Variants in PSD observed in about 807,000 individuals in gnomAD.
The protein encoded by PSD is PH and SEC7 domain-containing protein 1.
In PSD, 32 loss-of-function variants were observed where a neutral mutation model predicts 91.6. The ratio of observed to expected loss-of-function variants is 0.35; its 90% confidence interval spans 0.26 to 0.47. The LOEUF is 0.47. Among genes scored for constraint, PSD ranks in the 20% least tolerant of loss-of-function variants. The probability of loss-of-function intolerance (pLI) is 1.00; values close to 1 mark genes in which losing one functional copy is unlikely to be tolerated. For missense variants in PSD, 1,099 were observed against 1,373.9 expected (o/e 0.80, Z 3.16); for synonymous variants, 532 against 569.3 (o/e 0.93, Z 0.93).
chr10:102,419,118 A>G (rs1246747988), upstream of PSD: 5 of 263,156 alleles, frequency 1.9e-5, no homozygotes, highest in Non-Finnish European at 3.1e-5. This position sits in a 1 kb window ranked among gnomAD's most constrained non-coding sequence, Gnocchi z 4.8. Flanking sequence ...GCGTGTCCCT[A>G]GGAGGCTGCC....
Position 102,404,235 on chromosome 10 carries a change from C to T in PSD, c.2701-250G>A, listed in dbSNP as rs1036733146. Among the ~76,000 whole-genome samples the T allele has an allele frequency of 2.0e-4, 31 of 151,910 alleles. No homozygotes were observed. Among genetic ancestry groups the T allele is most frequent in the African/African-American group, 7.5e-4 (31 of 41,396 alleles). On this transcript the variant is annotated intron_variant, in intron 15 of 16. Coordinates refer to ENST00000020673, the MANE Select transcript of PSD (RefSeq NM_002779.5). The surrounding 1 kb of genome is among the most constrained non-coding windows in gnomAD (Gnocchi z 5.7). Reference sequence around the variant, plus strand: ...TGGTGGCAGGTGCCTGTAGTCCCAGCTACTCAGGAGGCTGGGGCAGGAGAA... The same window carrying T: ...TGGTGGCAGGTGCCTGTAGTCCCAGTTACTCAGGAGGCTGGGGCAGGAGAA...
rs1249716221 is a variant in PSD, at chr10:102,414,344, G to A, written c.1125-147C>T. 4.9e-6 allele frequency: 4 copies of A among 818,636 alleles called. No homozygotes were observed. Among genetic ancestry groups the A allele is most frequent in the Non-Finnish European group, 7.5e-6 (4 of 534,686 alleles). 50.7% of individuals were successfully genotyped at this position (818,636 alleles called of 1,614,324 possible). ...CCACTAACAAAAAAGAGCCTCTAGG[G>A]TAGGGCGCCAAGCTATTCAGTGCCC... On this transcript the variant is annotated intron_variant, in intron 4 of 16. Transcript: ENST00000020673. This position sits in a 1 kb window ranked among gnomAD's most constrained non-coding sequence, Gnocchi z 5.6.
At chr10:102,413,455 G>A (rs1023306936) in intron 5 of PSD, among the ~76,000 whole-genome samples, 17 of 152,152 alleles carry the variant, frequency 1.1e-4, no homozygotes, top group African/African-American at 3.9e-4. Context: ...ATTCTGAGCA[G>A]GCTAAAGACT....
Position 102,415,048 on chromosome 10 carries a change from C to G in PSD, c.939G>C (p.Ser313=). 1 of 1,613,928 alleles carries G rather than the reference C, an allele frequency of 6.2e-7. No homozygotes were observed. Among genetic ancestry groups the G allele is most frequent in the South Asian group, 1.1e-5 (1 of 91,074 alleles). ...EVLAEREEAD[S]AIESQPSSEG... ...CAGAGCTGGGCTGACTTTCGATGGC[C>G]GAGTCGGCCTCCTCCCGCTCAGCCA... is the stretch of plus-strand genomic sequence containing the variant. Residue 313 remains serine, a synonymous_variant, in exon 4 of 17, where the codon TCG becomes TCC. Coordinates refer to ENST00000020673, the MANE Select transcript of PSD (RefSeq NM_002779.5).
intron 5 of PSD, among the ~76,000 whole-genome samples, chr10:102,413,164 A>G (rs2061441058): frequency 6.6e-6 from 1 of 151,774 alleles, no homozygotes; most frequent in Non-Finnish European, 1.5e-5. Flanking sequence ...CAGCTGCTCT[A>G]CTCGCAAAGC....
chr10:102,413,110 G>A (rs755944122), intron 5 of PSD, among the ~76,000 whole-genome samples: 2 of 152,202 alleles, frequency 1.3e-5, no homozygotes, highest in South Asian at 2.1e-4. Context: ...GTTAAGGGTC[G>A]GGGTGCATAC....
chr10:102,405,577 C>A lies in PSD; in HGVS notation c.2136-41G>T. On this transcript the variant is annotated intron_variant, in intron 11 of 16. Transcript: ENST00000020673. This position sits in a 1 kb window ranked among gnomAD's most constrained non-coding sequence, Gnocchi z 5.4. The stretch of plus-strand genomic sequence containing the variant: ...CCTCAGAGGGGGCTGGCCATGGAGC[C>A]GCGGCCCCCGCTTCAGTTCTGGCCT... 1 of 1,562,204 alleles carries A rather than the reference C, an allele frequency of 6.4e-7. No homozygotes were observed. The highest frequency in any genetic ancestry group is 8.7e-7 in the Non-Finnish European group (1 of 1,147,132).
chr10:102,404,109 G>A lies in PSD; in HGVS notation c.2701-124C>T. Reference sequence around the variant, plus strand: ...CACGCCTGTAATCCCAGCACTTTGGGAGGCCAAGGCGGGCGGATCACGAGG... The same window carrying A: ...CACGCCTGTAATCCCAGCACTTTGGAAGGCCAAGGCGGGCGGATCACGAGG... On this transcript the variant is annotated intron_variant, in intron 15 of 16. Transcript: ENST00000020673. The surrounding 1 kb of genome is among the most constrained non-coding windows in gnomAD (Gnocchi z 5.7). 1.6e-6 allele frequency: 2 copies of A among 1,230,390 alleles called. No individual in the cohort carries two copies. The highest frequency in any genetic ancestry group is 1.1e-6 in the Non-Finnish European group (1 of 921,342). The allele number at this position is 1,230,390 out of a possible 1,614,324, so 76.2% of individuals were successfully genotyped here.
At position 102,410,660 on chromosome 10, in the gene PSD, G is replaced by A. The variant is rs985701194; in HGVS notation, c.2091+198C>T. Among the ~76,000 whole-genome samples, 3 of 152,218 alleles carry A rather than the reference G, an allele frequency of 2.0e-5. No individual in the cohort carries two copies. The highest frequency in any genetic ancestry group is 7.2e-5 in the African/African-American group (3 of 41,460). ...CGCAGTCGCGACCGCACGCATGTGC[G>A]CATGTTCCGGGAGAGCCTGCGCGTG... On this transcript the variant is annotated intron_variant, in intron 10 of 16. Coordinates refer to ENST00000020673, the MANE Select transcript of PSD (RefSeq NM_002779.5). The surrounding 1 kb of genome is among the most constrained non-coding windows in gnomAD (Gnocchi z 6.0).
chr10:102,416,908 C>A lies in PSD; in HGVS notation c.131G>T (p.Gly44Val), dbSNP rs1477046012. ...SPPASMYGST[G>V]SLLRRVAGPG... ...ACCTGCCACTCGCCGTAGCAAGGAG[C>A]CTGTGCTGCCATACATGCTGGCTGG... is the stretch of plus-strand genomic sequence containing the variant. The change falls in exon 2 of 17, where the codon GGC becomes GTC. Residue 44 changes from glycine (G) to valine (V), a missense_variant. This residue lies in a region of PSD where 631 missense variants were observed against 728.8 expected (regional missense o/e 0.87). Coordinates refer to ENST00000020673, the MANE Select transcript of PSD (RefSeq NM_002779.5). The surrounding 1 kb of genome is among the most constrained non-coding windows in gnomAD (Gnocchi z 6.0). The A allele has an allele frequency of 3.1e-6, 5 of 1,607,530 alleles. No individual in the cohort carries two copies. Among genetic ancestry groups the A allele is most frequent in the Non-Finnish European group, 2.5e-6 (3 of 1,178,942 alleles).
intron 1 of PSD, among the ~76,000 whole-genome samples, chr10:102,418,214 C>G (rs984573963): frequency 1.6e-4 from 24 of 151,512 alleles, no homozygotes; most frequent in Admixed American, 3.9e-4. Flanking sequence ...CTCATGCACT[C>G]TCACAGTCAT....
chr10:102,406,600 C>T (rs1218714442), intron 11 of PSD, among the ~76,000 whole-genome samples: 5 of 151,976 alleles, frequency 3.3e-5, no homozygotes, highest in East Asian at 3.9e-4. Flanking sequence ...CTCCACCTCT[C>T]GGGTTCACAG....
upstream of PSD, chr10:102,418,854 C>T (rs2061519999): frequency 5.1e-6 from 2 of 389,644 alleles, no homozygotes; most frequent in Non-Finnish European, 1.0e-5. Flanking sequence ...ACGCTAATCC[C>T]CCCCACCCCC....
chr10:102,410,799 C>A lies in PSD; in HGVS notation c.2091+59G>T, dbSNP rs2061417556. 1.5e-6 allele frequency: 2 copies of A among 1,331,926 alleles called. No homozygotes were observed. Among genetic ancestry groups the A allele is most frequent in the South Asian group, 1.2e-5 (1 of 85,438 alleles). The allele number at this position is 1,331,926 out of a possible 1,614,324, so 82.5% of individuals were successfully genotyped here. On this transcript the variant is annotated intron_variant, in intron 10 of 16. Coordinates refer to ENST00000020673, the MANE Select transcript of PSD (RefSeq NM_002779.5). The surrounding 1 kb of genome is among the most constrained non-coding windows in gnomAD (Gnocchi z 6.0). ...CCCTCCCTCCGACTCTGGACTCCGT[C>A]GCCGACTGGGTCCTCCATCCTTCCC... is the stretch of plus-strand genomic sequence containing the variant.
intron 5 of PSD, among the ~76,000 whole-genome samples, chr10:102,412,788 A>C (rs2061437222): frequency 6.6e-6 from 1 of 152,132 alleles, no homozygotes; most frequent in Non-Finnish European, 1.5e-5. Context: ...CCTCAAATCT[A>C]ACCCACATCC....
At position 102,404,347 on chromosome 10, in the gene PSD, C is replaced by CAAA. The variant is rs35527887; in HGVS notation, c.2700+233_2700+235dup. 2.9e-5 allele frequency among the ~76,000 whole-genome samples: 3 copies of CAAA among 103,014 alleles called. No individual in the cohort carries two copies. Among genetic ancestry groups the CAAA allele is most frequent in the Non-Finnish European group, 3.9e-5 (2 of 51,010 alleles). 67.6% of individuals were successfully genotyped at this position (103,014 alleles called of 152,430 possible). On this transcript the variant is annotated intron_variant, in intron 15 of 16. Coordinates refer to ENST00000020673, the MANE Select transcript of PSD (RefSeq NM_002779.5). The surrounding 1 kb of genome is among the most constrained non-coding windows in gnomAD (Gnocchi z 5.7). ...TGGGCAACAGAGCGAGACTCCATCT[C>CAAA]AAAAAAAAAAAAAAAAAAGATGCCC...
rs909392142 is a variant in PSD, at chr10:102,403,891, C to T, written c.2795G>A (p.Gly932Asp). The T allele has an allele frequency of 1.9e-6, 3 of 1,607,086 alleles. No individual in the cohort carries two copies. Among genetic ancestry groups the T allele is most frequent in the African/African-American group, 1.3e-5 (1 of 74,852 alleles). Residue 932 changes from glycine to aspartate, a missense_variant, in exon 16 of 17, where the codon GGC becomes GAC. This residue lies in a region of PSD where 358 missense variants were observed against 426.5 expected (regional missense o/e 0.84). Transcript: ENST00000020673. This position sits in a 1 kb window ranked among gnomAD's most constrained non-coding sequence, Gnocchi z 6.7. Reference protein sequence around the residue: ...RAAQLGKKGRGKEAEEQRQKE... With the variant: ...RAAQLGKKGRDKEAEEQRQKE... ...CTGCCGCTGCTCTTCAGCCTCCTTGCCCCGGCCCTTCTTGCCCAGCTGGGC... is the reference window on the plus strand; with the variant it reads ...CTGCCGCTGCTCTTCAGCCTCCTTGTCCCGGCCCTTCTTGCCCAGCTGGGC...
chr10:102,405,586 C>T lies in PSD; in HGVS notation c.2136-50G>A, dbSNP rs747694316. ...GGGCTGGCCATGGAGCCGCGGCCCC[C>T]GCTTCAGTTCTGGCCTCTGCTCGCC... On this transcript the variant is annotated intron_variant, in intron 11 of 16. Coordinates refer to ENST00000020673, the MANE Select transcript of PSD (RefSeq NM_002779.5). This position sits in a 1 kb window ranked among gnomAD's most constrained non-coding sequence, Gnocchi z 5.4. The T allele has an allele frequency of 7.8e-6, 12 of 1,546,278 alleles. No homozygotes were observed. The highest frequency in any genetic ancestry group is 1.8e-5 in the Admixed American group (1 of 55,046).
intron 7 of PSD, 84 bp downstream of exon 7, chr10:102,412,063 A>G: frequency 1.4e-6 from 2 of 1,387,048 alleles, no homozygotes; most frequent in Non-Finnish European, 2.1e-6. Flanking sequence ...CTTGTGGGGG[A>G]CAGAGGGGCT....
Sources: allele counts gnomAD v4.1 joint callset (sites outside exome capture counted in the v4.1 genomes callset), GRCh38; gene constraint gnomAD v4.1.1; regional missense constraint gnomAD v4.1.1; non-coding constraint Gnocchi (gnomAD v3.1); transcripts MANE v1.5; gene names NCBI Gene and HGNC (gene_info 2026-07-23, HGNC 2026-07-21).